Variants in MMP28 observed in about 807,000 individuals in gnomAD.
MMP28 encodes the protein matrix metallopeptidase 28, also known as matrix metalloproteinase-28.
MMP28 carries 55 observed loss-of-function variants against 60.5 expected under a neutral mutation model. The ratio of observed to expected loss-of-function variants is 0.91; its 90% confidence interval spans 0.73 to 1.14. The LOEUF (loss-of-function observed/expected upper bound fraction) is 1.14. MMP28 is among the 50% of genes most tolerant of loss of function. MMP28 has a pLI of 0.00. For synonymous variants in MMP28, 318 were observed against 312.5 expected, an observed-to-expected ratio of 1.02 and a Z score of -0.18; for missense variants, 686 against 738.3, an observed-to-expected ratio of 0.93 and a Z score of 0.82.
Position 35,767,825 on chromosome 17 carries a change from T to A in MMP28, c.1095A>T (p.Arg365Ser). 1.2e-6 allele frequency: 2 copies of A among 1,611,564 alleles called. No homozygotes were observed. The highest frequency in any genetic ancestry group is 8.5e-7 in the Non-Finnish European group (1 of 1,179,082). ...CAATGTTGGGGGGCAGCCCGACCCA[T>A]CTTTCCTGCAGTGGACGGGGCTCTG... is the stretch of plus-strand genomic sequence containing the variant. ...NVSEPRPLQE[R>S]WVGLPPNIEA... is the part of the protein sequence containing the mutation. Residue 365 changes from arginine to serine, a missense_variant, in exon 7 of 8, where the codon AGA (arginine) becomes AGT (serine). Transcript: ENST00000605424.
At chr17:35,760,202 C>A (rs1408061065) in intron 2 of MMP28, among the ~76,000 whole-genome samples, 3 of 151,944 alleles carry the variant, frequency 2.0e-5, no homozygotes, top group Admixed American at 2.0e-4. Flanking sequence ...GAGGGCTTTC[C>A]AGAGCTGAAT....
rs143519426 is a variant in MMP28, at chr17:35,773,283, C to T, written c.501G>A (p.Ala167=). 1.3e-5 allele frequency: 21 copies of T among 1,613,970 alleles called. No homozygotes were observed. The highest frequency in any genetic ancestry group is 1.7e-5 in the Admixed American group (1 of 60,028). ...TGGCTGGGGCCTCCCAGAACTCCAG[C>T]GCTGAGACGTTGCTCCACAACTGGA... ...AAFQLWSNVS[A]LEFWEAPATG... is the part of the protein sequence containing the mutation. Residue 167 remains alanine (A), a synonymous_variant, in exon 4 of 8, where the codon GCG becomes GCA. Transcript: ENST00000605424.
intron 3 of MMP28, among the ~76,000 whole-genome samples, chr17:35,778,020 C>T (rs1261432683): frequency 2.0e-5 from 3 of 152,150 alleles, no homozygotes; most frequent in East Asian, 1.9e-4. Flanking sequence ...GAACAAGACT[C>T]TGTCTTTAAA....
intron 1 of MMP28, 74 bp downstream of exon 1, chr17:35,795,193 C>A: frequency 2.0e-6 from 2 of 986,146 alleles, no homozygotes; most frequent in Non-Finnish European, 2.8e-6. Flanking sequence ...AGGGGACTGC[C>A]GGGTGGCCTG....
chr17:35,770,025 G>C (rs1334021764), intron 5 of MMP28, 42 bp downstream of exon 5: 1 of 1,502,428 alleles, frequency 6.7e-7, no homozygotes, highest in Non-Finnish European at 8.9e-7. Flanking sequence ...GGCCTTGGGG[G>C]CAGGAGTGGG....
chr17:35,764,199 C>A, downstream of MMP28: 1 of 1,547,682 alleles, frequency 6.5e-7, no homozygotes, highest in Non-Finnish European at 8.7e-7. Flanking sequence ...CGCTCAGTGT[C>A]CTACTGCCCG....
intron 1 of MMP28, among the ~76,000 whole-genome samples, chr17:35,781,324 G>C (rs527447184): frequency 6.6e-6 from 1 of 152,340 alleles, no homozygotes; most frequent in South Asian, 2.1e-4. Context: ...AGGTACAGAT[G>C]GGGGTGCGTG....
intron 2 of MMP28, among the ~76,000 whole-genome samples, chr17:35,760,146 T>C (rs1037120078): frequency 1.3e-5 from 2 of 152,152 alleles, no homozygotes; most frequent in Admixed American, 1.3e-4. Context: ...CAGATCACTA[T>C]TAGACTGGGC....
intron 4 of MMP28, among the ~76,000 whole-genome samples, chr17:35,771,430 CAA>C (rs548706247): frequency 6.3e-5 from 3 of 47,370 alleles, no homozygotes; most frequent in African/African-American, 8.1e-5. Flanking sequence ...GACTCTGTCT[CAA>C]AAAAAAAAAA....
At position 35,795,303 on chromosome 17, in the gene MMP28, C is replaced by G; in HGVS notation, c.75G>C (p.Ala25=). 1 of 1,464,906 alleles carries G rather than the reference C, an allele frequency of 6.8e-7. No individual in the cohort carries two copies. The highest frequency in any genetic ancestry group is 1.5e-5 in the African/African-American group (1 of 68,424). 90.7% of individuals were successfully genotyped at this position (1,464,906 alleles called of 1,614,324 possible). A position where few individuals can be genotyped will look rare whatever the true frequency, so the allele number is the denominator to read the frequency against. Residue 25 remains alanine (A), a synonymous_variant, in exon 1 of 8, where the codon GCG becomes GCC. Transcript: ENST00000605424. ...TGCGCAGCTCCTGGCCTCCGCGCTC[C>G]GCGGGCTGGGCGTCCAGGTGGCCCC... ...LLWGHLDAQP[A]ERGGQELRKE... is the part of the protein sequence containing the mutation.
chr17:35,770,417 G>T, intron 4 of MMP28, 105 bp from the exon 5 acceptor site: 1 of 1,364,962 alleles, frequency 7.3e-7, no homozygotes, highest in Non-Finnish European at 9.6e-7. Context: ...GTTCTCTGCT[G>T]TATAGTTTCC....
intron 3 of MMP28, among the ~76,000 whole-genome samples, chr17:35,777,960 G>A (rs1041010687): frequency 5.3e-5 from 8 of 152,176 alleles, no homozygotes; most frequent in South Asian, 2.1e-4. Context: ...CCCAGGAGGC[G>A]GAGGTTGCAG....
At position 35,766,277 on chromosome 17, in the gene MMP28, T is replaced by C; in HGVS notation, c.*223A>G. 7.6e-7 allele frequency: 1 copy of C among 1,317,532 alleles called. No individual in the cohort carries two copies. 81.6% of individuals were successfully genotyped at this position (1,317,532 alleles called of 1,614,324 possible). A position where few individuals can be genotyped will look rare whatever the true frequency, so the allele number is the denominator to read the frequency against. On this transcript the variant is annotated 3_prime_UTR_variant, in exon 8 of 8. Coordinates refer to ENST00000605424, the MANE Select transcript of MMP28 (RefSeq NM_024302.5). This position sits in a 1 kb window ranked among gnomAD's most constrained non-coding sequence, Gnocchi z 4.3. Reference sequence around the variant, plus strand: ...CAAGGGATCTGGGACCCTTTTTTGCTTTTCCTAAGATTGATCCCACCCCCA... The same window carrying C: ...CAAGGGATCTGGGACCCTTTTTTGCCTTTCCTAAGATTGATCCCACCCCCA...
downstream of MMP28, among the ~76,000 whole-genome samples, chr17:35,765,324 C>T (rs1245956450): frequency 1.3e-5 from 2 of 152,196 alleles, no homozygotes; most frequent in African/African-American, 4.8e-5. Context: ...CCCTAGACGC[C>T]CTGGCTTGCT....
chr17:35,767,946 G>A, intron 6 of MMP28, 27 bp from the exon 7 acceptor site: 1 of 1,540,840 alleles, frequency 6.5e-7, no homozygotes, highest in Non-Finnish European at 8.7e-7. Flanking sequence ...GAGAGTTGAG[G>A]AGTGACCATC....
intron 4 of MMP28, among the ~76,000 whole-genome samples, chr17:35,771,752 T>A (rs1307009320): frequency 3.0e-5 from 3 of 99,822 alleles, no homozygotes; most frequent in Non-Finnish European, 4.0e-5. Flanking sequence ...TATATATATA[T>A]ATAAAATTGT....
intron 1 of MMP28, among the ~76,000 whole-genome samples, chr17:35,787,116 G>T (rs1369657334): frequency 6.6e-6 from 1 of 152,186 alleles, no homozygotes; most frequent in Non-Finnish European, 1.5e-5. Context: ...TCAAACTGGG[G>T]TGTTTCTGGC....
downstream of MMP28, chr17:35,765,817 A>C (rs1035417547): frequency 2.0e-6 from 2 of 983,080 alleles, no homozygotes; most frequent in Admixed American, 1.2e-4. Context: ...ACCCATGCCC[A>C]CCTGCTCTCA....
At chr17:35,764,164 G>C, downstream of MMP28, 5 of 1,548,832 alleles carry the variant, frequency 3.2e-6, no homozygotes, top group Non-Finnish European at 4.4e-6. Context: ...CGCGGGTAGC[G>C]GAGGAGGGCG....
Sources: gnomAD v4.1 joint callset for allele counts (sites outside exome capture counted in the v4.1 genomes callset) on GRCh38, gnomAD v4.1.1 for gene constraint, Gnocchi (gnomAD v3.1) non-coding constraint, MANE v1.5 for transcripts, NCBI Gene and HGNC (gene_info 2026-07-23, HGNC 2026-07-21) for gene names.